Variants in RESF1 observed in about 807,000 individuals in gnomAD.
RESF1 encodes the protein retroelement silencing factor 1.
In RESF1, 65 loss-of-function variants were observed where a neutral mutation model predicts 134.7. The ratio of observed to expected loss-of-function variants is 0.48; its 90% CI spans 0.40 to 0.59. The LOEUF is 0.59. Among genes scored for constraint, RESF1 ranks in the 20% least tolerant of loss-of-function variants. RESF1 has a pLI of 0.00. For missense variants in RESF1, 2,274 were observed against 2,002.7 expected, an observed-to-expected ratio of 1.14 and a Z score of -2.59; for synonymous variants, 762 against 702.2, an observed-to-expected ratio of 1.09 and a Z score of -1.35.
chr12:31,965,246 T>A (rs1939372199), intron 2 of RESF1, among the ~76,000 whole-genome samples: 1 of 152,184 alleles, frequency 6.6e-6, no homozygotes, highest in Admixed American at 6.5e-5. Context: ...CGTGAGCCAC[T>A]GCTCCCTGCC....
rs1362125224 is a variant in RESF1, at chr12:31,985,038, GAT to G, written c.4085_4086del (p.Ile1362LysfsTer8). The G allele has an allele frequency of 1.3e-6, 2 of 1,585,254 alleles. No homozygotes were observed. Among genetic ancestry groups the G allele is most frequent in the African/African-American group, 2.7e-5 (2 of 73,086 alleles). On this transcript the variant is annotated frameshift_variant, in exon 4 of 6. Coordinates refer to ENST00000312561, the MANE Select transcript of RESF1 (RefSeq NM_018169.4). LOFTEE classifies it high-confidence loss of function. ...TGGGACAGTCATTATCACCAGAAAA[GAT>G]AAAATTGAAACTCAAATCAGTTAGC... ...SLGQSLSPEKIKLKLKSVSFK... is the reference protein window; with the variant it reads ...SLGQSLSPEKXKLKLKSVSFK...
Position 31,984,531 on chromosome 12 carries a change from C to G in RESF1, c.3576C>G (p.Ser1192=). The G allele has an allele frequency of 6.3e-7, 1 of 1,595,038 alleles. No individual in the cohort carries two copies. The change falls in exon 4 of 6, where the codon TCC becomes TCG. Residue 1192 remains serine (S), a synonymous_variant. Transcript: ENST00000312561. The part of the protein sequence containing the change: ...YEGVPQCQCN[S]IKNSSSEEEK... ...GAGTACCCCAGTGTCAGTGTAATTC[C>G]ATCAAGAACTCATCTTCAGAGGAAG...
chr12:31,963,937 A>G (rs1451228676), intron 2 of RESF1, among the ~76,000 whole-genome samples: 1 of 152,200 alleles, frequency 6.6e-6, no homozygotes, highest in Non-Finnish European at 1.5e-5. Flanking sequence ...CCATCAGTTA[A>G]CAGACGTTTG....
chr12:31,969,717 CTGCCTCAACCCCCTGGGTTCATCCAA>C lies in RESF1; in HGVS notation c.-246-464_-246-439del, dbSNP rs1349588888. 3.9e-5 allele frequency among the ~76,000 whole-genome samples: 6 copies of C among 152,172 alleles called. No individual in the cohort carries two copies. The East Asian group carries it at 1.2e-3, about 29-fold the overall frequency. ...GCAGTGGCATGATTCCCGCTCACCA[CTGCCTCAACCCCCTGGGTTCATCCAA>C]TGCCTCAGCCCCCCAAGTAGCTGAG... On this transcript the variant is annotated intron_variant, in intron 2 of 5. Coordinates refer to ENST00000312561, the MANE Select transcript of RESF1 (RefSeq NM_018169.4).
chr12:31,982,848 C>T lies in RESF1; in HGVS notation c.1893C>T (p.Asn631=). 2 of 1,614,110 alleles carry T rather than the reference C, an allele frequency of 1.2e-6. No individual in the cohort carries two copies. Among genetic ancestry groups the T allele is most frequent in the South Asian group, 2.2e-5 (2 of 91,078 alleles). Residue 631 remains asparagine, a synonymous_variant, in exon 4 of 6, where the codon AAC becomes AAT. Transcript: ENST00000312561. ...CTGGTAACCAACTGAATTTGAAGAA[C>T]ATGGAAACTCCAAGTACTTCTAATG... ...QMTGNQLNLK[N]METPSTSNVS...
chr12:31,985,992 T>G, intron 4 of RESF1, 35 bp downstream of exon 4: 1 of 1,350,932 alleles, frequency 7.4e-7, no homozygotes, highest in Non-Finnish European at 9.7e-7. Flanking sequence ...GTCTACAATA[T>G]TGTAAAGAGT....
intron 5 of RESF1, among the ~76,000 whole-genome samples, chr12:31,991,422 T>C (rs1940090757): frequency 6.6e-6 from 1 of 152,150 alleles, no homozygotes; most frequent in Non-Finnish European, 1.5e-5. Context: ...CAGGACAGAA[T>C]ACTCCACCCA....
rs1218733572 is a variant in RESF1 at position 31,976,454 on chromosome 12, G to C, written c.-78-4424G>C. 3.9e-5 allele frequency among the ~76,000 whole-genome samples: 6 copies of C among 152,114 alleles called. No individual in the cohort carries two copies. The East Asian group carries it at 9.6e-4, about 24-fold the overall frequency. Reference sequence around the variant, plus strand: ...TATTAAGAAAATCATAAGGGATTGGGTGCGGCGGATCACAAGGTCAGGAGT... The same window carrying C: ...TATTAAGAAAATCATAAGGGATTGGCTGCGGCGGATCACAAGGTCAGGAGT... On this transcript the variant is annotated intron_variant, in intron 3 of 5. Coordinates refer to ENST00000312561, the MANE Select transcript of RESF1 (RefSeq NM_018169.4).
intron 3 of RESF1, among the ~76,000 whole-genome samples, chr12:31,978,921 ATTTTTT>A (rs368667477): frequency 3.1e-5 from 4 of 129,074 alleles, no homozygotes; most frequent in African/African-American, 1.2e-4. Flanking sequence ...TGATCTCATG[ATTTTTT>A]TTTTTTTTTT....
At position 31,983,570 on chromosome 12, in the gene RESF1, A is replaced by G; in HGVS notation, c.2615A>G (p.Asp872Gly). ...TCAGCTATCCATTCTCCTATGAACG[A>G]TCAGCAAATCTCACAGGAGTCAAGG... ...LESAIHSPMN[D>G]QQISQESRNS... The change falls in exon 4 of 6, where the codon GAT (aspartate) becomes GGT (glycine). Residue 872 changes from aspartate to glycine, a missense_variant. Transcript: ENST00000312561. 1.2e-6 allele frequency: 2 copies of G among 1,614,030 alleles called. No individual in the cohort carries two copies. Among genetic ancestry groups the G allele is most frequent in the South Asian group, 2.2e-5 (2 of 91,088 alleles).
Position 31,984,947 on chromosome 12 carries a change from C to T in RESF1, c.3992C>T (p.Ser1331Leu), listed in dbSNP as rs142858754. The change falls in exon 4 of 6, where the codon TCA becomes TTA. Residue 1331 changes from serine (S) to leucine (L), a missense_variant. Transcript: ENST00000312561. ...CAGAAGAAACATGTAACACAGAACTCACGTCCACTAAAAACAAAAACAGCT... is the reference window on the plus strand; with the variant it reads ...CAGAAGAAACATGTAACACAGAACTTACGTCCACTAAAAACAAAAACAGCT... ...TRQKKHVTQN[S>L]RPLKTKTAFL... is the part of the protein sequence containing the mutation. 504 of 1,613,358 alleles carry T rather than the reference C, an allele frequency of 3.1e-4. 1 individual carries two copies. Among genetic ancestry groups the T allele is most frequent in the Middle Eastern group, 1.3e-3 (8 of 6,058 alleles).
intron 2 of RESF1, among the ~76,000 whole-genome samples, chr12:31,961,281 CT>C (rs1239726458): frequency 1.3e-5 from 2 of 152,200 alleles, no homozygotes; most frequent in Non-Finnish European, 2.9e-5. Context: ...ATGTCCAGGG[CT>C]TTCATCTGTA....
At chr12:31,991,223 AC>A (rs1318516209) in intron 5 of RESF1, among the ~76,000 whole-genome samples, 1 of 151,920 alleles carries the variant, frequency 6.6e-6, no homozygotes, top group African/African-American at 2.4e-5. Context: ...CACAGGAGAA[AC>A]AGATGTCTAA....
At chr12:31,978,451 C>T (rs1366898844) in intron 3 of RESF1, among the ~76,000 whole-genome samples, 1 of 152,064 alleles carries the variant, frequency 6.6e-6, no homozygotes, top group African/African-American at 2.4e-5. Context: ...GTGGCATCTT[C>T]CATGTTACTA....
chr12:31,963,217 C>G (rs1939320768), intron 2 of RESF1, among the ~76,000 whole-genome samples: 1 of 151,986 alleles, frequency 6.6e-6, no homozygotes, highest in Non-Finnish European at 1.5e-5. Flanking sequence ...TGGTGGCATG[C>G]GCCTGTAGTC....
chr12:31,969,519 A>G (rs763382308), intron 2 of RESF1, among the ~76,000 whole-genome samples: 9 of 152,080 alleles, frequency 5.9e-5, no homozygotes, highest in Non-Finnish European at 1.2e-4. Context: ...AAATAAACCA[A>G]AATTCTTGCT....
chr12:31,985,761 T>C lies in RESF1; in HGVS notation c.4806T>C (p.Ser1602=). 6.3e-7 allele frequency: 1 copy of C among 1,576,868 alleles called. No homozygotes were observed. Among genetic ancestry groups the C allele is most frequent in the Non-Finnish European group, 8.6e-7 (1 of 1,167,532 alleles). The part of the protein sequence containing the change: ...RESISLTKLE[S]SPRKLHKDKR... ...GCATTTCTCTCACCAAATTAGAAAG[T>C]TCACCCAGGAAGCTTCATAAAGATA... The change falls in exon 4 of 6, where the codon AGT becomes AGC. Residue 1602 remains serine, a synonymous_variant. Coordinates refer to ENST00000312561, the MANE Select transcript of RESF1 (RefSeq NM_018169.4).
At chr12:31,973,808 T>C (rs1346220533) in intron 3 of RESF1, among the ~76,000 whole-genome samples, 2 of 152,180 alleles carry the variant, frequency 1.3e-5, no homozygotes, top group African/African-American at 4.8e-5. Context: ...TCATCTCTGG[T>C]CACCAGAATG....
intron 5 of RESF1, among the ~76,000 whole-genome samples, chr12:31,991,990 A>T (rs1389320179): frequency 6.6e-6 from 1 of 152,182 alleles, no homozygotes; most frequent in Non-Finnish European, 1.5e-5. Context: ...TATGAAACCT[A>T]TCCTTTTCAT....
Sources: allele counts gnomAD v4.1 joint callset (sites outside exome capture counted in the v4.1 genomes callset), GRCh38; gene constraint gnomAD v4.1.1; transcripts MANE v1.5; gene names NCBI Gene and HGNC (gene_info 2026-07-23, HGNC 2026-07-21).